Variants in GLG1 observed in about 807,000 individuals in gnomAD.
GLG1 encodes the protein Golgi apparatus protein 1.
A neutral mutation model predicts 160.5 loss-of-function variants in GLG1; 38 were observed. The observed-to-expected ratio is 0.24, with a 90% CI of 0.18 to 0.31. The LOEUF is 0.31. Among genes scored for constraint, GLG1 ranks in the 10% least tolerant of loss-of-function variants. GLG1 has a pLI of 1.00. For missense variants in GLG1, 1,373 were observed against 1,505.2 expected, an observed-to-expected ratio of 0.91 and a Z score of 1.45; for synonymous variants, 644 against 543.4, an observed-to-expected ratio of 1.19 and a Z score of -2.57.
chr16:74,493,653 G>C (rs2016081864), intron 6 of GLG1, among the ~76,000 whole-genome samples: 1 of 152,144 alleles, frequency 6.6e-6, no homozygotes, highest in East Asian at 1.9e-4. Context: ...ACACAGGAAA[G>C]TAAATGACAA....
intron 5 of GLG1, 32 bp downstream of exon 5, chr16:74,496,409 G>A: frequency 7.1e-7 from 1 of 1,400,292 alleles, no homozygotes; most frequent in Non-Finnish European, 1.0e-6. Context: ...AAAAATAAAA[G>A]GAAGAAAAGA....
At chr16:74,467,643 C>T (rs930486836) in intron 18 of GLG1, 113 bp downstream of exon 18, 1 of 702,568 alleles carries the variant, frequency 1.4e-6, no homozygotes. Flanking sequence ...TCCTGTCTCA[C>T]CAGCAAAAAA....
At chr16:74,512,055 A>T (rs1230941591) in intron 2 of GLG1, among the ~76,000 whole-genome samples, 1 of 152,092 alleles carries the variant, frequency 6.6e-6, no homozygotes, top group Non-Finnish European at 1.5e-5. Context: ...GCCTAATTAT[A>T]GAACATTATC....
At chr16:74,578,411 T>A (rs1282172204) in intron 1 of GLG1, among the ~76,000 whole-genome samples, 1 of 152,218 alleles carries the variant, frequency 6.6e-6, no homozygotes, top group Non-Finnish European at 1.5e-5. Flanking sequence ...GTAAACTCTG[T>A]CAAGTGTGTT....
chr16:74,457,405 A>G (rs756851769), intron 24 of GLG1, among the ~76,000 whole-genome samples: 1 of 152,144 alleles, frequency 6.6e-6, no homozygotes, highest in Non-Finnish European at 1.5e-5. Context: ...TCAAAAAAAT[A>G]AATAAAAATA....
At chr16:74,469,364 A>G in intron 16 of GLG1, 1 of 391,228 alleles carries the variant, frequency 2.6e-6, no homozygotes, top group African/African-American at 2.0e-5. Context: ...ACCACAGAGG[A>G]ATGCTGCTCT....
chr16:74,462,370 G>A (rs539675199), intron 21 of GLG1, 118 bp downstream of exon 21: 63 of 985,828 alleles, frequency 6.4e-5, no homozygotes, highest in East Asian at 9.6e-5. Flanking sequence ...CCCCAGGTTC[G>A]GGAAGATATG....
At chr16:74,556,394 A>G (rs979600426) in intron 1 of GLG1, among the ~76,000 whole-genome samples, 1 of 152,202 alleles carries the variant, frequency 6.6e-6, no homozygotes, top group South Asian at 2.1e-4. Context: ...ACCTCTTTCC[A>G]TAAAATTTTT....
Position 74,450,473 on chromosome 16 carries a change from G to GT in GLG1, c.*2693dup, listed in dbSNP as rs568988599. The GT allele has an allele frequency of 1.4e-4, 22 of 152,340 alleles. No homozygotes were observed. Among genetic ancestry groups the GT allele is most frequent in the African/African-American group, 5.1e-4 (21 of 41,582 alleles). 9.4% of individuals were successfully genotyped at this position (152,340 alleles called of 1,614,324 possible). ...AGCCAGTCATTGGAAAATGCTCCAA[G>GT]TAAGATGATGAAAGACATTCTTGTA... On this transcript the variant is annotated 3_prime_UTR_variant, in exon 26 of 26. Transcript: ENST00000422840.
chr16:74,589,492 T>A (rs1191631228), intron 1 of GLG1, among the ~76,000 whole-genome samples: 2 of 152,122 alleles, frequency 1.3e-5, no homozygotes, highest in African/African-American at 4.8e-5. Context: ...ATAAAATATT[T>A]TCCCAAAAAT....
At chr16:74,525,368 A>G (rs1173567561) in intron 2 of GLG1, among the ~76,000 whole-genome samples, 2 of 151,946 alleles carry the variant, frequency 1.3e-5, no homozygotes, top group Non-Finnish European at 2.9e-5. Flanking sequence ...TAGGATACAC[A>G]TTTCCTTTTT....
intron 19 of GLG1, among the ~76,000 whole-genome samples, chr16:74,465,348 A>C (rs9928807): frequency 0.023 from 3,483 of 152,270 alleles, 111 homozygotes; most frequent in African/African-American, 0.079. Flanking sequence ...CCTCAAAACC[A>C]ATCATTTATT....
At chr16:74,540,221 G>T in intron 1 of GLG1, among the ~76,000 whole-genome samples, 1 of 127,546 alleles carries the variant, frequency 7.8e-6, no homozygotes, top group Non-Finnish European at 1.6e-5. Flanking sequence ...CTTTTACATT[G>T]GATTATAATA....
chr16:74,454,945 A>C (rs1418122873), intron 25 of GLG1, among the ~76,000 whole-genome samples: 4 of 151,826 alleles, frequency 2.6e-5, no homozygotes, highest in African/African-American at 9.7e-5. Flanking sequence ...CTCCACAAAA[A>C]ATTATAAAAT....
intron 1 of GLG1, among the ~76,000 whole-genome samples, chr16:74,587,047 T>C (rs181275785): frequency 1.6e-3 from 246 of 152,278 alleles, no homozygotes; most frequent in Non-Finnish European, 3.2e-3. Context: ...ACATTTAATA[T>C]GTCAGAAGTT....
intron 16 of GLG1, chr16:74,469,523 C>T (rs2015122107): frequency 1.1e-5 from 2 of 184,782 alleles, no homozygotes; most frequent in South Asian, 1.4e-4. Flanking sequence ...TGGACAGTCA[C>T]GCTGAAAAAG....
intron 1 of GLG1, among the ~76,000 whole-genome samples, chr16:74,556,230 G>C (rs1370430124): frequency 6.6e-6 from 1 of 152,110 alleles, no homozygotes; most frequent in Non-Finnish European, 1.5e-5. Flanking sequence ...AAGTGAAATA[G>C]TCCTACAGGA....
intron 1 of GLG1, among the ~76,000 whole-genome samples, chr16:74,603,247 T>C (rs961493897): frequency 2.0e-5 from 3 of 151,672 alleles, no homozygotes; most frequent in South Asian, 4.2e-4. Flanking sequence ...CTGTCTCTAC[T>C]AAAAATACAA....
chr16:74,511,834 T>G (rs147855812), intron 2 of GLG1, among the ~76,000 whole-genome samples: 37 of 152,304 alleles, frequency 2.4e-4, no homozygotes, highest in African/African-American at 7.5e-4. Flanking sequence ...AAAACTTACT[T>G]GTTCTGACAG....
Sources: allele counts gnomAD v4.1 joint callset (sites outside exome capture counted in the v4.1 genomes callset), GRCh38; gene constraint gnomAD v4.1.1; transcripts MANE v1.5; gene names NCBI Gene and HGNC (gene_info 2026-07-23, HGNC 2026-07-21).